Variants in ZSWIM2 observed in about 807,000 individuals in gnomAD.
The protein encoded by ZSWIM2 is E3 ubiquitin-protein ligase ZSWIM2.
In ZSWIM2, 38 loss-of-function variants were observed where a neutral mutation model predicts 48.4. The ratio of observed to expected loss-of-function variants is 0.79; its 90% confidence interval spans 0.61 to 1.03. ZSWIM2 has a LOEUF of 1.03. ZSWIM2 is among the 50% of genes least tolerant of loss of function. ZSWIM2 has a pLI of 0.00. For synonymous variants in ZSWIM2, 240 were observed against 251.3 expected (o/e 0.96, Z 0.42); for missense variants, 776 against 730.2 (o/e 1.06, Z -0.72).
At chr2:186,839,320 T>C in intron 3 of ZSWIM2, 151 bp from the exon 4 acceptor site, 1 of 535,936 alleles carries the variant, frequency 1.9e-6, no homozygotes, top group Non-Finnish European at 3.1e-6. Context: ...CTTCTTTACA[T>C]TTTTTTCAGA....
Position 186,839,036 on chromosome 2 carries a change from C to T in ZSWIM2, c.417G>A (p.Lys139=). The T allele has an allele frequency of 6.2e-7, 1 of 1,611,430 alleles. No homozygotes were observed. ...HVEEDGYIKQ[K]EIDSEDICSI... ...AGCAGATATCCTCTGAATCAATTTC[C>T]TTCTGTTTAATGTACCCATCTTCTT... Residue 139 remains lysine, a synonymous_variant, in exon 4 of 9, where the codon AAG becomes AAA. Transcript: ENST00000295131.
chr2:186,838,799 A>ATG (rs981935056), intron 4 of ZSWIM2, among the ~76,000 whole-genome samples, 160 bp downstream of exon 4: 5 of 146,216 alleles, frequency 3.4e-5, no homozygotes, highest in African/African-American at 1.0e-4. Context: ...TATTATATAT[A>ATG]TGTGTGTGTG....
At chr2:186,838,127 C>T (rs1300564612) in intron 4 of ZSWIM2, among the ~76,000 whole-genome samples, 2 of 151,262 alleles carry the variant, frequency 1.3e-5, no homozygotes, top group Admixed American at 6.6e-5. Context: ...AAAAAAATTG[C>T]AATGGAAAAT....
chr2:186,841,089 G>A (rs936918388), intron 3 of ZSWIM2, among the ~76,000 whole-genome samples: 16 of 151,442 alleles, frequency 1.1e-4, no homozygotes, highest in Non-Finnish European at 1.5e-5. Context: ...CTATTTGTTT[G>A]CCTTATGTTA....
At chr2:186,828,989 C>G (rs10175178) in intron 8 of ZSWIM2, among the ~76,000 whole-genome samples, 199 bp from the exon 9 acceptor site, 1 of 151,666 alleles carries the variant, frequency 6.6e-6, no homozygotes, top group Non-Finnish European at 1.5e-5. Context: ...TTTCCATTTT[C>G]GATATTAAAA....
At chr2:186,838,364 T>G (rs1227202967) in intron 4 of ZSWIM2, among the ~76,000 whole-genome samples, 1 of 150,824 alleles carries the variant, frequency 6.6e-6, no homozygotes, top group Admixed American at 6.6e-5. Context: ...AAAAAAAGAT[T>G]TGTACATATG....
chr2:186,828,648 A>T lies in ZSWIM2; in HGVS notation c.1238T>A (p.Ile413Asn). Residue 413 changes from isoleucine to asparagine, a missense_variant, in exon 9 of 9, where the codon ATC (isoleucine) becomes AAC (asparagine). By Grantham distance (149) the Ile-to-Asn change is moderately radical. Transcript: ENST00000295131. ...QAHQSVSNRD[I>N]IHLSKQKEPD... ...TTCTTTCTGCTTTGATAGATGAATG[A>T]TGTCTCTGTTTGAAACAGACTGATG... The T allele has an allele frequency of 6.2e-7, 1 of 1,612,908 alleles. No homozygotes were observed. Among genetic ancestry groups the T allele is most frequent in the Non-Finnish European group, 8.5e-7 (1 of 1,179,604 alleles).
At chr2:186,836,788 T>C (rs1691800575) in intron 5 of ZSWIM2, among the ~76,000 whole-genome samples, 1 of 152,188 alleles carries the variant, frequency 6.6e-6, no homozygotes, top group Non-Finnish European at 1.5e-5. Flanking sequence ...ATAATTACTA[T>C]GTTTTTGTAG....
chr2:186,831,729 C>T (rs1691703296), intron 7 of ZSWIM2, among the ~76,000 whole-genome samples: 1 of 152,044 alleles, frequency 6.6e-6, no homozygotes, highest in African/African-American at 2.4e-5. Context: ...TTTGTAGGGA[C>T]ACGGATGAAG....
chr2:186,842,332 T>C (rs1385258742), intron 3 of ZSWIM2, among the ~76,000 whole-genome samples: 1 of 151,338 alleles, frequency 6.6e-6, no homozygotes, highest in Admixed American at 6.6e-5. Context: ...ATTATTAGTC[T>C]CTAGTATTAC....
intron 5 of ZSWIM2, among the ~76,000 whole-genome samples, chr2:186,834,741 TAGCA>T: frequency 6.6e-6 from 1 of 152,160 alleles, no homozygotes; most frequent in East Asian, 1.9e-4. Context: ...ACAAACAACG[TAGCA>T]TCTCTCTGCC....
intron 2 of ZSWIM2, 119 bp from the exon 3 acceptor site, chr2:186,844,876 T>C (rs1691968249): frequency 1.3e-5 from 11 of 852,576 alleles, no homozygotes; most frequent in Admixed American, 3.6e-5. Flanking sequence ...GAAAGTGTTA[T>C]GAATAAACTT....
Position 186,839,038 on chromosome 2 carries a change from T to C in ZSWIM2, c.415A>G (p.Lys139Glu). The C allele has an allele frequency of 1.9e-6, 3 of 1,611,742 alleles. No individual in the cohort carries two copies. Among genetic ancestry groups the C allele is most frequent in the Non-Finnish European group, 2.5e-6 (3 of 1,178,350 alleles). The change falls in exon 4 of 9, where the codon AAG becomes GAG. Residue 139 changes from lysine (K) to glutamate (E), a missense_variant. By Grantham distance (56) the Lys-to-Glu change is moderately conservative. Coordinates refer to ENST00000295131, the MANE Select transcript of ZSWIM2 (RefSeq NM_182521.3). Reference sequence around the variant, plus strand: ...CAGATATCCTCTGAATCAATTTCCTTCTGTTTAATGTACCCATCTTCTTCA... The same window carrying C: ...CAGATATCCTCTGAATCAATTTCCTCCTGTTTAATGTACCCATCTTCTTCA... ...HVEEDGYIKQ[K>E]EIDSEDICSI... is the part of the protein sequence containing the mutation.
rs1202972732 is a variant in ZSWIM2, at chr2:186,838,759, T to C, written c.494+200A>G. ...TATTATAGATATTATATTTATATTGTAATATATTATAATATATTTATATTA... is the reference window on the plus strand; with the variant it reads ...TATTATAGATATTATATTTATATTGCAATATATTATAATATATTTATATTA... On this transcript the variant is annotated intron_variant, in intron 4 of 8. Transcript: ENST00000295131. Among the ~76,000 whole-genome samples, 3 of 146,006 alleles carry C rather than the reference T, an allele frequency of 2.1e-5. No homozygotes were observed. In the East Asian group the frequency reaches 5.9e-4, roughly 29 times the overall value.
At chr2:186,833,309 C>T in intron 6 of ZSWIM2, 77 bp from the exon 7 acceptor site, 1 of 671,222 alleles carries the variant, frequency 1.5e-6, no homozygotes, top group South Asian at 2.0e-5. Context: ...TAGTTGGTTG[C>T]GTATCAATAA....
chr2:186,848,738 T>G, intron 1 of ZSWIM2: 1 of 472,826 alleles, frequency 2.1e-6, no homozygotes, highest in Non-Finnish European at 3.8e-6. Context: ...TTTACAAGAG[T>G]TGCAGTTTGG....
intron 8 of ZSWIM2, among the ~76,000 whole-genome samples, chr2:186,829,205 ACT>A (rs1691655573): frequency 6.6e-6 from 1 of 152,084 alleles, no homozygotes; most frequent in African/African-American, 2.4e-5. Flanking sequence ...ACTAAGGATG[ACT>A]CTAAAGCTTT....
intron 2 of ZSWIM2, among the ~76,000 whole-genome samples, chr2:186,846,292 A>T (rs950018845): frequency 6.6e-6 from 1 of 151,908 alleles, no homozygotes; most frequent in Non-Finnish European, 1.5e-5. Flanking sequence ...ACAGGAAAAA[A>T]CCTAATAACC....
At chr2:186,829,701 T>C (rs1273233030) in intron 8 of ZSWIM2, 26 bp downstream of exon 8, 3 of 1,597,710 alleles carry the variant, frequency 1.9e-6, no homozygotes, top group South Asian at 2.2e-5. Flanking sequence ...ACAGGGAAAG[T>C]AAAACTAAAA....
Sources: allele counts gnomAD v4.1 joint callset (sites outside exome capture counted in the v4.1 genomes callset), GRCh38; gene constraint gnomAD v4.1.1; transcripts MANE v1.5; gene names NCBI Gene and HGNC (gene_info 2026-07-23, HGNC 2026-07-21).